Variants in NTRK3 observed in about 807,000 individuals in gnomAD.
NTRK3 encodes the protein neurotrophic receptor tyrosine kinase 3.
Under a neutral mutation model 91.7 loss-of-function variants are expected in NTRK3, and 24 were observed. The ratio of observed to expected loss-of-function variants is 0.26; its 90% confidence interval spans 0.19 to 0.37. NTRK3 has a LOEUF of 0.37. NTRK3 is among the 10% of genes least tolerant of loss of function. NTRK3 has a pLI of 1.00. For synonymous variants in NTRK3, 483 were observed against 404.0 expected, an observed-to-expected ratio of 1.20 and a Z score of -2.34; for missense variants, 880 against 1,068.9, an observed-to-expected ratio of 0.82 and a Z score of 2.46.
At chr15:88,238,107 G>A (rs971107450) in intron 3 of NTRK3, among the ~76,000 whole-genome samples, 6 of 152,056 alleles carry the variant, frequency 3.9e-5, no homozygotes, top group African/African-American at 1.4e-4. Flanking sequence ...CAGTGAGAAG[G>A]CGACCGTCTG....
chr15:87,880,137 C>T, intron 18 of NTRK3, 133 bp downstream of exon 19: 2 of 1,112,092 alleles, frequency 1.8e-6, no homozygotes, highest in Non-Finnish European at 2.7e-6. Context: ...GCTCTCTGCT[C>T]CCACTAATGC....
chr15:88,157,158 G>A (rs1442533217), intron 5 of NTRK3, among the ~76,000 whole-genome samples: 3 of 151,958 alleles, frequency 2.0e-5, no homozygotes, highest in East Asian at 1.9e-4. Flanking sequence ...CAGCCATTGC[G>A]CAGCCAAGCC....
At chr15:88,041,458 C>A (rs1166553934) in intron 13 of NTRK3, among the ~76,000 whole-genome samples, 1 of 152,168 alleles carries the variant, frequency 6.6e-6, no homozygotes, top group African/African-American at 2.4e-5. Context: ...AAACAGTACC[C>A]CCATCACTTT....
At chr15:87,903,900 T>C (rs1416534048) in intron 17 of NTRK3, among the ~76,000 whole-genome samples, 2 of 152,210 alleles carry the variant, frequency 1.3e-5, no homozygotes, top group African/African-American at 2.4e-5. Context: ...CTCTAGCTTA[T>C]AGACATCTTC....
chr15:87,969,874 A>T (rs1412927330), intron 14 of NTRK3, among the ~76,000 whole-genome samples: 1 of 152,186 alleles, frequency 6.6e-6, no homozygotes, highest in Non-Finnish European at 1.5e-5. Context: ...TTAACCCCCA[A>T]GCATCTGCTT....
intron 14 of NTRK3, among the ~76,000 whole-genome samples, chr15:87,995,398 G>A (rs984067040): frequency 6.6e-6 from 1 of 152,194 alleles, no homozygotes; most frequent in Non-Finnish European, 1.5e-5. Flanking sequence ...GGAGACAGCT[G>A]TTGCCATGAG....
chr15:88,102,421 T>C (rs1337045841), intron 13 of NTRK3, among the ~76,000 whole-genome samples: 1 of 152,102 alleles, frequency 6.6e-6, no homozygotes, highest in East Asian at 1.9e-4. Flanking sequence ...ATAGAAGGAA[T>C]AAGACCTAGT....
Position 88,064,965 on chromosome 15 carries a change from G to A in NTRK3, c.1397-31920C>T, listed in dbSNP as rs1458254724. On this transcript the variant is annotated intron_variant, in intron 13 of 18. Coordinates refer to ENST00000394480, the Ensembl canonical transcript of NTRK3. ...CAGAGATCTCATCTTGCTTTTCTTC[G>A]TATCTCCAAAGCCTGGCTCATTTGC... Among the ~76,000 whole-genome samples the A allele has an allele frequency of 7.2e-5, 11 of 152,112 alleles. 1 individual carries two copies. Among genetic ancestry groups the A allele is most frequent in the Admixed American group, 2.0e-4 (3 of 15,280 alleles).
intron 14 of NTRK3, among the ~76,000 whole-genome samples, chr15:87,945,031 T>C (rs2070311004): frequency 6.6e-6 from 1 of 152,182 alleles, no homozygotes; most frequent in African/African-American, 2.4e-5. Context: ...CCTGGCTGGC[T>C]GGCCCAGCAG....
intron 13 of NTRK3, among the ~76,000 whole-genome samples, chr15:88,120,197 A>G (rs1279400982): frequency 1.3e-5 from 2 of 152,318 alleles, no homozygotes; most frequent in Admixed American, 6.5e-5. Flanking sequence ...AGAATGTTCA[A>G]TGTGGCAGCA....
chr15:87,980,369 ATG>A (rs1180466608), intron 14 of NTRK3, among the ~76,000 whole-genome samples: 2 of 125,228 alleles, frequency 1.6e-5, no homozygotes, highest in Non-Finnish European at 1.7e-5. Flanking sequence ...ATGTGTTTCC[ATG>A]TGTGTATCTG....
intron 5 of NTRK3, 34 bp downstream of exon 5, chr15:88,183,384 G>A (rs1166572166): frequency 1.9e-6 from 3 of 1,607,256 alleles, no homozygotes; most frequent in African/African-American, 2.7e-5. Context: ...TACCTGCCAT[G>A]TGCCCCCAAT....
At chr15:87,895,365 C>T (rs549142597) in intron 17 of NTRK3, among the ~76,000 whole-genome samples, 5 of 152,266 alleles carry the variant, frequency 3.3e-5, no homozygotes, top group South Asian at 2.1e-4. Flanking sequence ...GGATGAAGCT[C>T]GGAATTTTTT....
At chr15:88,044,080 A>G (rs1414206994) in intron 13 of NTRK3, among the ~76,000 whole-genome samples, 1 of 152,004 alleles carries the variant, frequency 6.6e-6, no homozygotes, top group Non-Finnish European at 1.5e-5. Flanking sequence ...TTGTTGACCA[A>G]CACTGGTCAC....
intron 14 of NTRK3, among the ~76,000 whole-genome samples, chr15:88,031,353 T>TA (rs1208263196): frequency 6.6e-6 from 1 of 152,106 alleles, no homozygotes; most frequent in African/African-American, 2.4e-5. Flanking sequence ...AACAGCACCC[T>TA]AGGAAACTCA....
At chr15:88,210,721 T>C (rs2141413975) in intron 3 of NTRK3, among the ~76,000 whole-genome samples, 1 of 152,366 alleles carries the variant, frequency 6.6e-6, no homozygotes, top group East Asian at 1.9e-4. Context: ...ATACAGCTCA[T>C]ATCACTGAGT....
chr15:88,017,230 A>G (rs536124398), intron 14 of NTRK3, among the ~76,000 whole-genome samples: 10 of 152,170 alleles, frequency 6.6e-5, no homozygotes, highest in South Asian at 2.1e-4. Context: ...TAGCTTTTCT[A>G]TTGTCTCCAA....
intron 5 of NTRK3, among the ~76,000 whole-genome samples, chr15:88,157,765 G>A (rs1373650054): frequency 6.6e-6 from 1 of 152,128 alleles, no homozygotes. Flanking sequence ...GCAAGTCACT[G>A]TTGGAGCCAG....
chr15:88,052,806 C>T (rs546248631), intron 13 of NTRK3, among the ~76,000 whole-genome samples: 28 of 152,202 alleles, frequency 1.8e-4, no homozygotes, highest in East Asian at 9.7e-4. Context: ...GGTGCAGCAA[C>T]GGAAGCACTC....
Sources: allele counts gnomAD v4.1 joint callset (sites outside exome capture counted in the v4.1 genomes callset), GRCh38; gene constraint gnomAD v4.1.1; transcripts MANE v1.5; gene names NCBI Gene and HGNC (gene_info 2026-07-23, HGNC 2026-07-21).